Variants in SNX29 observed in about 807,000 individuals in gnomAD.
The protein encoded by SNX29 is sorting nexin 29, also known as sorting nexin-29.
In SNX29, 78 loss-of-function variants were observed where a neutral mutation model predicts 102.1. The ratio of observed to expected loss-of-function variants is 0.76; its 90% CI spans 0.64 to 0.92. The LOEUF (loss-of-function observed/expected upper bound fraction) is 0.92, where lower values mean the gene tolerates loss of function less well. Ranked by LOEUF, SNX29 falls within the 40% of genes least tolerant of loss-of-function variation. The pLI, the probability that SNX29 is intolerant of heterozygous loss-of-function variation, is 0.00. For synonymous variants in SNX29, 580 were observed against 414.5 expected, an observed-to-expected ratio of 1.40 and a Z score of -4.85; for missense variants, 1,280 against 1,061.7, an observed-to-expected ratio of 1.21 and a Z score of -2.86.
intron 20 of SNX29, among the ~76,000 whole-genome samples, chr16:12,537,789 A>G (rs538401748): frequency 5.9e-5 from 9 of 152,112 alleles, no homozygotes; most frequent in South Asian, 2.1e-4. Context: ...AAGTAATAAA[A>G]TATCTCCTAT....
chr16:12,561,381 C>CA (rs2078715231), intron 20 of SNX29, among the ~76,000 whole-genome samples: 1 of 152,154 alleles, frequency 6.6e-6, no homozygotes, highest in East Asian at 1.9e-4. Context: ...GTGGAAGATG[C>CA]TGGCCACATC....
chr16:12,344,916 G>T (rs1005373477), intron 15 of SNX29, among the ~76,000 whole-genome samples: 1 of 152,180 alleles, frequency 6.6e-6, no homozygotes, highest in Non-Finnish European at 1.5e-5. Flanking sequence ...AAGTAATTCC[G>T]GCCCCATTTT....
chr16:11,987,105 C>A (rs1023264881), intron 1 of SNX29, among the ~76,000 whole-genome samples: 1 of 152,184 alleles, frequency 6.6e-6, no homozygotes, highest in Non-Finnish European at 1.5e-5. Context: ...CACTCTGTCA[C>A]CCAGGCTGGA....
At chr16:12,231,763 G>A (rs978626201) in intron 14 of SNX29, among the ~76,000 whole-genome samples, 4 of 152,120 alleles carry the variant, frequency 2.6e-5, no homozygotes, top group African/African-American at 9.7e-5. Context: ...CAGCAAACAG[G>A]CCCTCTTGGC....
In SNX29 at chr16:12,448,471, CT is replaced by C. The variant is rs5815689; in HGVS notation, c.2038-29235del. Among the ~76,000 whole-genome samples, 429 of 147,652 alleles carry C rather than the reference CT, an allele frequency of 2.9e-3. 2 individuals are homozygous for C. Among genetic ancestry groups the C allele is most frequent in the Non-Finnish European group, 1.0e-3 (70 of 66,780 alleles). ...AAATTGTTCAAGGCAATTGGGAACTCTTTTTTTTTTTTTAGGCCACCAAGTC... is the reference window on the plus strand; with the variant it reads ...AAATTGTTCAAGGCAATTGGGAACTCTTTTTTTTTTTTAGGCCACCAAGTC... On this transcript the variant is annotated intron_variant, in intron 18 of 20. Coordinates refer to ENST00000566228, the MANE Select transcript of SNX29 (RefSeq NM_032167.5).
Position 12,107,076 on chromosome 16 carries a change from C to A in SNX29, c.1403-19557C>A, listed in dbSNP as rs891508298. ...AAAGCAATCCTCCCTCCTCGGCGTC[C>A]CAGAGTGCTGGGATTCCAGGTGCGG... On this transcript the variant is annotated intron_variant, in intron 11 of 20. Coordinates refer to ENST00000566228, the MANE Select transcript of SNX29 (RefSeq NM_032167.5). Among the ~76,000 whole-genome samples, 18 of 152,180 alleles carry A rather than the reference C, an allele frequency of 1.2e-4. 1 individual carries two copies. In the East Asian group the frequency reaches 3.5e-3, roughly 29 times the overall value.
chr16:12,353,048 G>A (rs767494553), intron 15 of SNX29, among the ~76,000 whole-genome samples: 23 of 152,126 alleles, frequency 1.5e-4, no homozygotes, highest in Admixed American at 3.9e-4. Context: ...GGTGACTCCC[G>A]AATGTTAACT....
intron 20 of SNX29, among the ~76,000 whole-genome samples, chr16:12,531,257 G>C (rs1215618690): frequency 2.0e-5 from 3 of 152,230 alleles, no homozygotes; most frequent in Admixed American, 2.0e-4. Context: ...TTGGCCCTAT[G>C]GTCAGGGCGC....
At chr16:12,543,854 G>T (rs1471263305) in intron 20 of SNX29, among the ~76,000 whole-genome samples, 1 of 152,228 alleles carries the variant, frequency 6.6e-6, no homozygotes, top group Non-Finnish European at 1.5e-5. Flanking sequence ...GAAGCCAGTG[G>T]TGGAACATCC....
chr16:12,536,979 T>TA (rs1342932705), intron 20 of SNX29, among the ~76,000 whole-genome samples: 1 of 148,084 alleles, frequency 6.8e-6, no homozygotes, highest in African/African-American at 2.5e-5. Flanking sequence ...GAACCCGTCT[T>TA]AAAAAAATAA....
chr16:12,181,260 C>T (rs895083683), intron 13 of SNX29, among the ~76,000 whole-genome samples: 7 of 152,170 alleles, frequency 4.6e-5, no homozygotes, highest in South Asian at 2.1e-4. Context: ...ACACAGCCTC[C>T]GGAGGTCCCG....
chr16:12,565,220 C>T (rs572000300), intron 20 of SNX29, among the ~76,000 whole-genome samples: 1 of 152,190 alleles, frequency 6.6e-6, no homozygotes, highest in African/African-American at 2.4e-5. Flanking sequence ...ACAGCATTAC[C>T]AGTATTAGGC....
chr16:12,509,059 T>C (rs1424239722), intron 19 of SNX29, among the ~76,000 whole-genome samples: 1 of 152,232 alleles, frequency 6.6e-6, no homozygotes, highest in African/African-American at 2.4e-5. Context: ...ATGGTCTCTC[T>C]GCCCACTGAG....
intron 20 of SNX29, among the ~76,000 whole-genome samples, chr16:12,559,551 TG>T (rs1039879712): frequency 1.3e-5 from 2 of 151,922 alleles, no homozygotes; most frequent in African/African-American, 4.8e-5. Flanking sequence ...CCTACATCTG[TG>T]GAAAATTTTT....
intron 20 of SNX29, among the ~76,000 whole-genome samples, chr16:12,567,991 C>G (rs984672109): frequency 3.9e-5 from 6 of 152,174 alleles, no homozygotes; most frequent in African/African-American, 1.4e-4. Flanking sequence ...CTGTTCCTGG[C>G]TCTTAAACAC....
intron 13 of SNX29, among the ~76,000 whole-genome samples, chr16:12,177,956 C>T (rs1214941117): frequency 1.3e-5 from 2 of 152,178 alleles, no homozygotes; most frequent in Non-Finnish European, 2.9e-5. Context: ...TTTTGTCTAG[C>T]TTTTCTCCAG....
At chr16:12,030,268 T>C (rs1259895274) in intron 4 of SNX29, among the ~76,000 whole-genome samples, 1 of 152,234 alleles carries the variant, frequency 6.6e-6, no homozygotes, top group African/African-American at 2.4e-5. Flanking sequence ...GTGCCTGTTA[T>C]TCTTAGTCAT....
At chr16:12,103,362 G>C (rs891218860) in intron 11 of SNX29, among the ~76,000 whole-genome samples, 21 of 152,148 alleles carry the variant, frequency 1.4e-4, no homozygotes, top group Admixed American at 6.5e-5. Context: ...CAGATATATA[G>C]ACCAGTGGAA....
intron 19 of SNX29, among the ~76,000 whole-genome samples, chr16:12,488,448 C>A (rs1005438026): frequency 6.6e-6 from 1 of 152,084 alleles, no homozygotes; most frequent in Non-Finnish European, 1.5e-5. Context: ...CAGTCCCCCC[C>A]GTCCCCGCAC....
Sources: gnomAD v4.1 joint callset for allele counts (sites outside exome capture counted in the v4.1 genomes callset) on GRCh38, gnomAD v4.1.1 for gene constraint, MANE v1.5 for transcripts, NCBI Gene and HGNC (gene_info 2026-07-23, HGNC 2026-07-21) for gene names.